Variants in CYRIB observed in about 807,000 individuals in gnomAD.
CYRIB encodes the protein CYFIP-related Rac1 interactor B.
CYRIB carries 8 observed loss-of-function variants against 44.2 expected under a neutral mutation model. The ratio of observed to expected loss-of-function variants is 0.18; its 90% confidence interval spans 0.11 to 0.33. The LOEUF (loss-of-function observed/expected upper bound fraction) is 0.33. Among genes scored for constraint, CYRIB ranks in the 10% least tolerant of loss-of-function variants. The pLI, the probability that CYRIB is intolerant of heterozygous loss-of-function variation, is 1.00. For missense variants in CYRIB, 185 were observed against 382.8 expected, an observed-to-expected ratio of 0.48 and a Z score of 4.31; for synonymous variants, 131 against 127.2, an observed-to-expected ratio of 1.03 and a Z score of -0.20.
At chr8:129,928,300 TC>T (rs942821393) in intron 1 of CYRIB, among the ~76,000 whole-genome samples, 12 of 140,224 alleles carry the variant, frequency 8.6e-5, no homozygotes, top group Non-Finnish European at 1.4e-4. Context: ...CAGCAAGACC[TC>T]GACTCTGAAC....
At chr8:129,951,075 C>T (rs1397607197) in intron 2 of CYRIB, among the ~76,000 whole-genome samples, 2 of 152,156 alleles carry the variant, frequency 1.3e-5, no homozygotes, top group African/African-American at 4.8e-5. Context: ...GAGGCCAAGG[C>T]AGGCAGATCA....
chr8:129,948,908 T>A (rs1341311642), intron 2 of CYRIB: 1 of 151,880 alleles, frequency 6.6e-6, no homozygotes, highest in Non-Finnish European at 1.5e-5. Flanking sequence ...GTAGAAAAAA[T>A]TTAAAAACAA....
intron 2 of CYRIB, chr8:129,880,542 C>A: frequency 1.5e-5 from 8 of 528,592 alleles, no homozygotes; most frequent in Non-Finnish European, 1.7e-5. Flanking sequence ...CTGGCTTGCT[C>A]ATAATTATCA....
intron 1 of CYRIB, among the ~76,000 whole-genome samples, chr8:129,987,837 G>C (rs529380382): frequency 6.6e-6 from 1 of 152,148 alleles, no homozygotes; most frequent in Admixed American, 6.6e-5. Context: ...TTCCCAAAGT[G>C]CTGGGATTAC....
At chr8:129,843,491 G>A (rs1324147788) in intron 11 of CYRIB, among the ~76,000 whole-genome samples, 2 of 152,238 alleles carry the variant, frequency 1.3e-5, no homozygotes, top group East Asian at 1.9e-4. Context: ...TGTTCAATGC[G>A]TGAATGTGGA....
At chr8:129,997,055 AGGG>A (rs1304371843) in intron 1 of CYRIB, among the ~76,000 whole-genome samples, 2 of 84,208 alleles carry the variant, frequency 2.4e-5, no homozygotes, top group East Asian at 6.9e-4. Context: ...GGAAGGAAGG[AGGG>A]AGGGAGGGAG....
intron 1 of CYRIB, among the ~76,000 whole-genome samples, chr8:129,997,072 GGGA>G: frequency 2.1e-5 from 3 of 143,224 alleles, no homozygotes; most frequent in African/African-American, 7.8e-5. Flanking sequence ...GAGGGAGGGA[GGGA>G]GGGAGGGAGG....
intron 10 of CYRIB, 182 bp from the exon 13 acceptor site, chr8:129,847,056 A>G (rs2131226939): frequency 4.1e-6 from 2 of 489,904 alleles, no homozygotes; most frequent in East Asian, 7.2e-5. Context: ...TCACTTAGTG[A>G]AAACAAAATC....
intron 1 of CYRIB, among the ~76,000 whole-genome samples, chr8:129,939,027 G>C (rs1477485372): frequency 6.6e-6 from 1 of 152,196 alleles, no homozygotes. Flanking sequence ...GGACAACGCA[G>C]TATCTAAGTT....
At chr8:129,867,243 A>T (rs1480978801) in intron 4 of CYRIB, among the ~76,000 whole-genome samples, 1 of 148,288 alleles carries the variant, frequency 6.7e-6, no homozygotes, top group Non-Finnish European at 1.5e-5. Flanking sequence ...CTTGTCTCAG[A>T]CTCCCAAGTA....
chr8:129,906,966 A>T (rs2075734925), intron 1 of CYRIB, among the ~76,000 whole-genome samples: 2 of 152,216 alleles, frequency 1.3e-5, no homozygotes, highest in Admixed American at 1.3e-4. Context: ...GCTGGAGAGG[A>T]TGTGGAGAAA....
intron 1 of CYRIB, among the ~76,000 whole-genome samples, chr8:129,935,348 C>T (rs1042898271): frequency 2.6e-5 from 4 of 152,304 alleles, no homozygotes; most frequent in Non-Finnish European, 5.9e-5. Context: ...AATTTTTCCA[C>T]GGACAGGGCG....
At chr8:129,921,748 G>T (rs1388552941) in intron 1 of CYRIB, among the ~76,000 whole-genome samples, 2 of 152,060 alleles carry the variant, frequency 1.3e-5, no homozygotes, top group Non-Finnish European at 2.9e-5. Context: ...AACTTGTCAG[G>T]TATATATAAA....
intron 1 of CYRIB, among the ~76,000 whole-genome samples, chr8:129,903,782 A>G (rs1489995640): frequency 4.6e-5 from 7 of 152,244 alleles, no homozygotes; most frequent in Non-Finnish European, 1.5e-5. Flanking sequence ...GTTTCAATGT[A>G]TTAATAATCA....
intron 2 of CYRIB, among the ~76,000 whole-genome samples, chr8:129,968,765 C>A (rs2095580687): frequency 6.6e-6 from 1 of 152,148 alleles, no homozygotes; most frequent in Non-Finnish European, 1.5e-5. Flanking sequence ...TTGCTGGTAA[C>A]TTTTTTTCCA....
chr8:129,934,513 G>A (rs1164162404), intron 1 of CYRIB, among the ~76,000 whole-genome samples: 6 of 152,072 alleles, frequency 3.9e-5, no homozygotes, highest in Non-Finnish European at 7.4e-5. Context: ...ACTAATGCAG[G>A]CCTCCACAAC....
At chr8:129,962,243 A>T (rs751028284) in intron 2 of CYRIB, among the ~76,000 whole-genome samples, 4 of 151,112 alleles carry the variant, frequency 2.6e-5, no homozygotes, top group African/African-American at 4.9e-5. Flanking sequence ...AACCCTGTTT[A>T]AAAAAAAAGA....
chr8:129,994,716 T>C (rs2096729301), intron 1 of CYRIB, among the ~76,000 whole-genome samples: 2 of 152,224 alleles, frequency 1.3e-5, no homozygotes, highest in East Asian at 3.9e-4. Flanking sequence ...AAATCAGCTA[T>C]GACTATTTTA....
chr8:129,903,621 G>A (rs79378090), intron 1 of CYRIB, among the ~76,000 whole-genome samples: 2,387 of 151,984 alleles, frequency 0.016, 71 homozygotes, highest in African/African-American at 0.054. Context: ...AGTAAAAAGT[G>A]TACGAAGACA....
Sources: allele counts gnomAD v4.1 joint callset (sites outside exome capture counted in the v4.1 genomes callset), GRCh38; gene constraint gnomAD v4.1.1; transcripts MANE v1.5; gene names NCBI Gene and HGNC (gene_info 2026-07-23, HGNC 2026-07-21).